TRAFD1: variants seen among roughly 807,000 people sequenced by gnomAD.
The protein encoded by TRAFD1 is TRAF-type zinc finger domain containing 1.
TRAFD1 carries 38 observed loss-of-function variants against 65.3 expected under a neutral mutation model. The observed-to-expected ratio is 0.58, with a 90% CI of 0.45 to 0.76. The LOEUF (loss-of-function observed/expected upper bound fraction) is 0.76. Ranked by LOEUF, TRAFD1 falls within the 30% of genes least tolerant of loss-of-function variation. The probability of loss-of-function intolerance (pLI) is 0.00; values close to 1 mark genes in which losing one functional copy is unlikely to be tolerated. For synonymous variants in TRAFD1, 223 were observed against 257.2 expected (o/e 0.87, Z 1.27); for missense variants, 631 against 712.6 (o/e 0.89, Z 1.30).
At chr12:112,147,671 A>G (rs1217880306) in intron 7 of TRAFD1, among the ~76,000 whole-genome samples, 1 of 151,820 alleles carries the variant, frequency 6.6e-6, no homozygotes, top group Non-Finnish European at 1.5e-5. Flanking sequence ...CATTTAAAAA[A>G]ATTTTTTTTT....
intron 8 of TRAFD1, 142 bp downstream of exon 8, chr12:112,148,446 T>C: frequency 5.7e-6 from 4 of 703,768 alleles, no homozygotes; most frequent in Non-Finnish European, 7.1e-6. Context: ...AAGTCATCTT[T>C]GTGAGCTGTC....
At chr12:112,142,060 C>T (rs2030101719) in intron 5 of TRAFD1, 29 bp from the exon 6 acceptor site, 1 of 1,608,434 alleles carries the variant, frequency 6.2e-7, no homozygotes, top group South Asian at 1.1e-5. Flanking sequence ...CTAATGTATC[C>T]TGAATGTTGG....
At chr12:112,146,383 A>T (rs999687932) in intron 7 of TRAFD1, among the ~76,000 whole-genome samples, 1 of 151,666 alleles carries the variant, frequency 6.6e-6, no homozygotes, top group Non-Finnish European at 1.5e-5. Context: ...AGGGGGGGGC[A>T]GGGAATGATG....
chr12:112,145,446 A>T (rs1390411962), intron 6 of TRAFD1, 140 bp from the exon 7 acceptor site: 9 of 765,684 alleles, frequency 1.2e-5, no homozygotes, highest in African/African-American at 1.7e-5. Context: ...CTCTGAGAAT[A>T]TACAGCCCCA....
chr12:112,126,762 C>G (rs773498381), intron 1 of TRAFD1, among the ~76,000 whole-genome samples: 4 of 151,844 alleles, frequency 2.6e-5, no homozygotes, highest in Non-Finnish European at 4.4e-5. Flanking sequence ...TTAAGTGATT[C>G]TCTTGCCTCA....
chr12:112,145,700 G>A (rs752834866), intron 7 of TRAFD1, 38 bp downstream of exon 7: 7 of 1,592,410 alleles, frequency 4.4e-6, no homozygotes, highest in Non-Finnish European at 8.6e-7. Flanking sequence ...TAGTAGGATT[G>A]TATGCAGGCC....
intron 2 of TRAFD1, among the ~76,000 whole-genome samples, chr12:112,134,269 CAA>C (rs1220194415): frequency 6.7e-6 from 1 of 149,706 alleles, no homozygotes; most frequent in Non-Finnish European, 1.5e-5. Context: ...CTCAGCCTCT[CAA>C]AGTGCTGGGA....
chr12:112,146,516 T>C (rs1014617085), intron 7 of TRAFD1, among the ~76,000 whole-genome samples: 6 of 152,252 alleles, frequency 3.9e-5, no homozygotes, highest in African/African-American at 1.2e-4. Context: ...TTTTGATTTA[T>C]TGGAGCTGTA....
intron 1 of TRAFD1, among the ~76,000 whole-genome samples, chr12:112,128,615 T>G (rs186054773): frequency 6.6e-6 from 1 of 152,336 alleles, no homozygotes; most frequent in Admixed American, 6.5e-5. Context: ...GTTGACATCA[T>G]GTACCTTCTG....
At chr12:112,133,219 G>C (rs889796326) in intron 2 of TRAFD1, 1 of 152,120 alleles carries the variant, frequency 6.6e-6, no homozygotes, top group Non-Finnish European at 1.5e-5. Flanking sequence ...TGGAGGAAAG[G>C]GTTCAGGATT....
At chr12:112,149,217 C>CA (rs548446168) in intron 8 of TRAFD1, 51 of 128,770 alleles carry the variant, frequency 4.0e-4, no homozygotes, top group South Asian at 1.7e-3. Context: ...GACTCTGTCT[C>CA]AAAAAAAAAA....
At chr12:112,133,090 G>T (rs1260822470) in intron 2 of TRAFD1, 1 of 152,088 alleles carries the variant, frequency 6.6e-6, no homozygotes, top group Non-Finnish European at 1.5e-5. Flanking sequence ...TGTTTAAATG[G>T]TCTTACTCTT....
At chr12:112,149,692 A>G (rs767133384) in intron 8 of TRAFD1, 59 bp from the exon 9 acceptor site, 58 of 1,607,208 alleles carry the variant, frequency 3.6e-5, no homozygotes, top group Non-Finnish European at 4.7e-5. Context: ...CTCCCATCGC[A>G]TGCTCTTTTC....
In TRAFD1 at chr12:112,130,426, T is replaced by C. The variant is rs1394918270; in HGVS notation, c.-12-85T>C. 5.9e-6 allele frequency: 6 copies of C among 1,017,158 alleles called. No homozygotes were observed. The highest frequency in any genetic ancestry group is 9.1e-6 in the Non-Finnish European group (6 of 657,420). 63.0% of individuals were successfully genotyped at this position (1,017,158 alleles called of 1,614,324 possible). A position where few individuals can be genotyped will look rare whatever the true frequency, so the allele number is the denominator to read the frequency against. ...GCAGGTTTGGGTGACAGTTTCTGTA[T>C]ACTAGTTTTTTATTTGTTTTTTTGC... On this transcript the variant is annotated intron_variant, in intron 1 of 11. Transcript: ENST00000412615. The surrounding 1 kb of genome is among the most constrained non-coding windows in gnomAD (Gnocchi z 4.4).
Position 112,151,937 on chromosome 12 carries a change from C to A in TRAFD1, c.1416C>A (p.Pro472=). 6.2e-7 allele frequency: 1 copy of A among 1,614,260 alleles called. No homozygotes were observed. Among genetic ancestry groups the A allele is most frequent in the Non-Finnish European group, 8.5e-7 (1 of 1,180,052 alleles). Residue 472 remains proline, a synonymous_variant, in exon 10 of 12, where the codon CCC becomes CCA. Transcript: ENST00000412615. ...YNQLSRSTSG[P]RPGCQPSSPC... is the part of the protein sequence containing the mutation. ...AGCTATCGAGATCAACATCAGGCCC[C>A]AGACCTGGGTGCCAGCCCAGCTCTC...
At position 112,152,663 on chromosome 12, in the gene TRAFD1, G is replaced by A. The variant is rs1249516035; in HGVS notation, c.1693-72G>A. The stretch of plus-strand genomic sequence containing the variant: ...GTTTCTAAGGAAGCGGGACATTTTC[G>A]GGGATCCAGGGGAGGAGTAATGCTT... On this transcript the variant is annotated intron_variant, in intron 11 of 11. Coordinates refer to ENST00000412615, the MANE Select transcript of TRAFD1 (RefSeq NM_006700.3). This position sits in a 1 kb window ranked among gnomAD's most constrained non-coding sequence, Gnocchi z 5.0. 1.9e-5 allele frequency: 30 copies of A among 1,609,100 alleles called. No individual in the cohort carries two copies. The highest frequency in any genetic ancestry group is 5.5e-5 in the South Asian group (5 of 90,838).
intron 8 of TRAFD1, chr12:112,149,479 G>GA (rs779201802): frequency 0.015 from 4,482 of 294,366 alleles, no homozygotes; most frequent in East Asian, 0.035. Flanking sequence ...TTAAAAAACA[G>GA]AAAAAAAAAA....
chr12:112,141,889 A>G, intron 5 of TRAFD1, 200 bp from the exon 6 acceptor site: 1 of 576,770 alleles, frequency 1.7e-6, no homozygotes, highest in Non-Finnish European at 3.1e-6. Flanking sequence ...CAGTTAGAAT[A>G]ATAATGGAGC....
intron 5 of TRAFD1, 84 bp downstream of exon 5, chr12:112,141,308 C>G (rs2030083682): frequency 2.0e-6 from 3 of 1,502,938 alleles, no homozygotes; most frequent in Non-Finnish European, 1.8e-6. Flanking sequence ...CCAGATAGAT[C>G]TTGATTATAG....
Sources: allele counts gnomAD v4.1 joint callset (sites outside exome capture counted in the v4.1 genomes callset), GRCh38; gene constraint gnomAD v4.1.1; non-coding constraint Gnocchi (gnomAD v3.1); transcripts MANE v1.5; gene names NCBI Gene and HGNC (gene_info 2026-07-23, HGNC 2026-07-21).